CC2D2B: variants seen among roughly 807,000 people sequenced by gnomAD.
CC2D2B encodes coiled-coil and C2 domain containing 2B.
CC2D2B carries 128 observed loss-of-function variants against 161.2 expected under a neutral mutation model. The observed-to-expected ratio is 0.79, with a 90% CI of 0.69 to 0.92. The LOEUF (loss-of-function observed/expected upper bound fraction) is 0.92, where lower values mean the gene tolerates loss of function less well. CC2D2B is among the 40% of genes least tolerant of loss of function. The probability of loss-of-function intolerance (pLI) is 0.00; values close to 1 mark genes in which losing one functional copy is unlikely to be tolerated. For missense variants in CC2D2B, 1,173 were observed against 1,375.1 expected, an observed-to-expected ratio of 0.85 and a Z score of 2.32; for synonymous variants, 391 against 449.8, an observed-to-expected ratio of 0.87 and a Z score of 1.65.
At position 95,968,755 on chromosome 10, in the gene CC2D2B, A is replaced by T; in HGVS notation, c.1498A>T (p.Lys500Ter). 1 of 1,213,922 alleles carries T rather than the reference A, an allele frequency of 8.2e-7. No homozygotes were observed. The highest frequency in any genetic ancestry group is 1.0e-6 in the Non-Finnish European group (1 of 971,594). The allele number at this position is 1,213,922 out of a possible 1,614,324, so 75.2% of individuals were successfully genotyped here. A position where few individuals can be genotyped will look rare whatever the true frequency, so the allele number is the denominator to read the frequency against. The change falls in exon 15 of 35, where the codon AAG becomes TAG. Residue 500 changes from lysine to a stop codon, truncating the protein, a stop_gained. Transcript: ENST00000646931. LOFTEE classifies it high-confidence loss of function. ...ACAAAAAAGAAGAGCCAAAATTCAG[A>T]AGCTCAAATACTTTATTAAAATATT... The part of the protein sequence containing the change: ...HEQKRRAKIQ[K>*]LKYFIKIFYN...
intron 7 of CC2D2B, 66 bp from the exon 8 acceptor site, chr10:95,938,503 T>A: frequency 1.6e-6 from 1 of 631,106 alleles, no homozygotes; most frequent in Non-Finnish European, 2.8e-6. Context: ...TTGTACTACT[T>A]ATTTGGTCAA....
chr10:96,015,323 C>T (rs559465013), intron 29 of CC2D2B, among the ~76,000 whole-genome samples: 160 of 148,852 alleles, frequency 1.1e-3, no homozygotes, highest in Middle Eastern at 3.6e-3. Flanking sequence ...GTGATCTGGC[C>T]GCCTCAGCCT....
At position 96,019,329 on chromosome 10, in the gene CC2D2B, G is replaced by A. The variant is rs756105188; in HGVS notation, c.3757G>A (p.Asp1253Asn). 3.4e-5 allele frequency: 55 copies of A among 1,608,976 alleles called. No homozygotes were observed. The highest frequency in any genetic ancestry group is 4.5e-5 in the Non-Finnish European group (53 of 1,178,674). Reference sequence around the variant, plus strand: ...AAAAAGTGTAGATTGTTTGTTTGATGATAGAAATGTAAGTATATGGGGAAA... The same window carrying A: ...AAAAAGTGTAGATTGTTTGTTTGATAATAGAAATGTAAGTATATGGGGAAA... ...PLKSVDCLFDDRNVWFNIQQN... is the reference protein window; with the variant it reads ...PLKSVDCLFDNRNVWFNIQQN... The change falls in exon 31 of 35, where the codon GAT (aspartate) becomes AAT (asparagine). Residue 1253 changes from aspartate to asparagine, a missense_variant. Transcript: ENST00000646931.
At chr10:95,926,815 A>AGTGTGTGT (rs71486778) in intron 5 of CC2D2B, among the ~76,000 whole-genome samples, 5,893 of 134,946 alleles carry the variant, frequency 0.044, 271 homozygotes, top group African/African-American at 0.11. Context: ...CTGAGGTGGC[A>AGTGTGTGT]GTGTGTGTGT....
intron 11 of CC2D2B, among the ~76,000 whole-genome samples, chr10:95,959,715 A>G (rs1332754315): frequency 1.3e-5 from 2 of 152,188 alleles, no homozygotes; most frequent in African/African-American, 2.4e-5. Flanking sequence ...AGGATGGTTC[A>G]ACATTAGAAA....
intron 9 of CC2D2B, among the ~76,000 whole-genome samples, chr10:95,947,106 TA>T (rs1564608931): frequency 5.9e-4 from 22 of 37,184 alleles, no homozygotes; most frequent in African/African-American, 2.9e-3. Flanking sequence ...TATATATATA[TA>T]TATATATTTT....
chr10:96,022,377 A>G (rs113460841), intron 32 of CC2D2B, among the ~76,000 whole-genome samples: 1 of 152,206 alleles, frequency 6.6e-6, no homozygotes, highest in Non-Finnish European at 1.5e-5. Flanking sequence ...CCCGCTCTCA[A>G]AGAAGTCACT....
At chr10:95,930,111 A>T (rs994044409) in intron 6 of CC2D2B, among the ~76,000 whole-genome samples, 3 of 152,146 alleles carry the variant, frequency 2.0e-5, no homozygotes, top group Non-Finnish European at 4.4e-5. Flanking sequence ...GGTGCTTCAC[A>T]TCCCTTATAA....
chr10:95,986,404 T>C, intron 19 of CC2D2B, among the ~76,000 whole-genome samples: 1 of 19,446 alleles, frequency 5.1e-5, no homozygotes, highest in Non-Finnish European at 1.2e-4. Flanking sequence ...GAAGGATGCA[T>C]TAACTGGTTC....
intron 9 of CC2D2B, among the ~76,000 whole-genome samples, chr10:95,947,236 C>G (rs1254861544): frequency 6.7e-6 from 1 of 149,040 alleles, no homozygotes; most frequent in Non-Finnish European, 1.5e-5. Flanking sequence ...CCTCAGCCTC[C>G]CAAGTAGTCG....
intron 24 of CC2D2B, chr10:95,999,855 T>G: frequency 2.1e-6 from 1 of 482,012 alleles, no homozygotes; most frequent in Non-Finnish European, 4.1e-6. Context: ...CTTCTCTGGG[T>G]GAAGCAGGCT....
At chr10:96,003,586 T>TTGTG (rs68085058) in intron 24 of CC2D2B, among the ~76,000 whole-genome samples, 30,623 of 127,432 alleles carry the variant, frequency 0.24, 4,232 homozygotes, top group Non-Finnish European at 0.31. Flanking sequence ...GCCCGGCTAA[T>TTGTG]TGTGTGTGTG....
At chr10:96,013,218 A>G (rs546965866) in intron 28 of CC2D2B, among the ~76,000 whole-genome samples, 1 of 152,254 alleles carries the variant, frequency 6.6e-6, no homozygotes, top group African/African-American at 2.4e-5. Context: ...CCTTTCCTAG[A>G]TTAGTCTGAG....
chr10:95,976,361 T>A (rs1245730844), intron 17 of CC2D2B, among the ~76,000 whole-genome samples: 3 of 152,204 alleles, frequency 2.0e-5, no homozygotes, highest in Non-Finnish European at 4.4e-5. Context: ...TGTCTTACAA[T>A]TCCTATTACT....
At chr10:96,021,639 A>T (rs1160803233) in intron 32 of CC2D2B, 1 of 152,244 alleles carries the variant, frequency 6.6e-6, no homozygotes, top group Admixed American at 6.5e-5. Flanking sequence ...ATACAGTACA[A>T]AACCATTTAT....
intron 6 of CC2D2B, among the ~76,000 whole-genome samples, chr10:95,936,074 C>G (rs906173618): frequency 2.0e-5 from 3 of 152,162 alleles, no homozygotes; most frequent in Non-Finnish European, 4.4e-5. Context: ...AAAAGCGGGC[C>G]GTGTCTCTGA....
chr10:95,924,271 A>G, intron 3 of CC2D2B, 43 bp from the exon 4 acceptor site: 1 of 1,031,990 alleles, frequency 9.7e-7, no homozygotes, highest in Non-Finnish European at 1.4e-6. Context: ...GTTTAATTAT[A>G]ATAAAGTGTC....
intron 12 of CC2D2B, 119 bp from the exon 13 acceptor site, chr10:95,965,777 G>C: frequency 2.7e-6 from 1 of 369,178 alleles, no homozygotes; most frequent in Non-Finnish European, 4.7e-6. Context: ...ACTTGTAAGA[G>C]ATTGGTTTTG....
At chr10:95,955,323 C>A in intron 10 of CC2D2B, 71 bp from the exon 11 acceptor site, 1 of 396,692 alleles carries the variant, frequency 2.5e-6, no homozygotes, top group Non-Finnish European at 4.5e-6. Flanking sequence ...ACACCTTGAC[C>A]TACAGGTGAA....
Sources: allele counts gnomAD v4.1 joint callset (sites outside exome capture counted in the v4.1 genomes callset), GRCh38; gene constraint gnomAD v4.1.1; transcripts MANE v1.5; gene names NCBI Gene and HGNC (gene_info 2026-07-23, HGNC 2026-07-21).